The following SMU1 variants were observed in gnomAD, a reference collection of about 807,000 sequenced individuals.
SMU1 encodes the protein WD40 repeat-containing protein SMU1.
SMU1 carries 2 observed loss-of-function variants against 62.0 expected under a neutral mutation model. The ratio of observed to expected loss-of-function variants is 0.03; its 90% CI spans 0.01 to 0.10. SMU1 has a LOEUF of 0.10. Ranked by LOEUF, SMU1 falls within the 10% of genes least tolerant of loss-of-function variation. The pLI is 1.00. For missense variants in SMU1, 227 were observed against 622.1 expected, an observed-to-expected ratio of 0.36 and a Z score of 6.76; for synonymous variants, 188 against 212.4, an observed-to-expected ratio of 0.89 and a Z score of 1.00.
At chr9:33,047,513 T>C (rs1274302588) in intron 11 of SMU1, 122 bp from the exon 12 acceptor site, 7 of 658,440 alleles carry the variant, frequency 1.1e-5, no homozygotes, top group Admixed American at 3.3e-5. Flanking sequence ...CCAAATGGCA[T>C]AGGAGAAAGA....
At chr9:33,051,120 CAAA>C (rs1225817487) in intron 10 of SMU1, among the ~76,000 whole-genome samples, 3 of 37,932 alleles carry the variant, frequency 7.9e-5, no homozygotes, top group Non-Finnish European at 1.2e-4. Context: ...GACTCTGTCT[CAAA>C]AAAAAAAAAA....
intron 1 of SMU1, among the ~76,000 whole-genome samples, chr9:33,075,358 C>G (rs745530059): frequency 6.6e-6 from 1 of 151,440 alleles, no homozygotes; most frequent in Non-Finnish European, 1.5e-5. Flanking sequence ...GCCTGGGTGA[C>G]AGAGTGAGAC....
At position 33,046,026 on chromosome 9, in the gene SMU1, CAG is replaced by C. The variant is rs1839181347; in HGVS notation, c.*1265_*1266del. On this transcript the variant is annotated 3_prime_UTR_variant, in exon 12 of 12. Coordinates refer to ENST00000397149, the MANE Select transcript of SMU1 (RefSeq NM_018225.3). ...CCTAGCATGGTATCTTCCTCATCAT[CAG>C]AGGTGCTCTATACATCTTCAGTTGA... 1 of 152,236 alleles carries C rather than the reference CAG, an allele frequency of 6.6e-6. No individual in the cohort carries two copies. The highest frequency in any genetic ancestry group is 2.4e-5 in the African/African-American group (1 of 41,462). The allele number at this position is 152,236 out of a possible 1,614,324, so 9.4% of individuals were successfully genotyped here.
At chr9:33,054,571 G>A (rs555989488) in intron 9 of SMU1, among the ~76,000 whole-genome samples, 115 of 152,258 alleles carry the variant, frequency 7.6e-4, no homozygotes, top group African/African-American at 2.6e-3. Context: ...AACTGAAAGG[G>A]TTAAATCAGG....
chr9:33,074,261 T>C (rs748225598), intron 1 of SMU1, among the ~76,000 whole-genome samples: 2 of 152,078 alleles, frequency 1.3e-5, no homozygotes, highest in African/African-American at 2.4e-5. Flanking sequence ...ACCAGGAGGT[T>C]TGAGACCAGA....
At chr9:33,055,737 G>A (rs752803532) in intron 9 of SMU1, among the ~76,000 whole-genome samples, 24 of 152,210 alleles carry the variant, frequency 1.6e-4, no homozygotes, top group Non-Finnish European at 3.2e-4. Context: ...ACAAAAAAGA[G>A]ATCTATTTAT....
In SMU1 at chr9:33,043,763, T is replaced by C. The variant is rs1250790727; in HGVS notation, c.*3530A>G. On this transcript the variant is annotated 3_prime_UTR_variant, in exon 12 of 12. Coordinates refer to ENST00000397149, the MANE Select transcript of SMU1 (RefSeq NM_018225.3). ...CTTCGGAGTCACATCTGGTTTTCAA[T>C]GCGAGCTTCGTGCAAGTTGGACTGA... is the stretch of plus-strand genomic sequence containing the variant. 1 of 152,258 alleles carries C rather than the reference T, an allele frequency of 6.6e-6. No individual in the cohort carries two copies. Among genetic ancestry groups the C allele is most frequent in the Non-Finnish European group, 1.5e-5 (1 of 68,042 alleles). 9.4% of individuals were successfully genotyped at this position (152,258 alleles called of 1,614,324 possible).
rs554732527 is a variant in SMU1, at chr9:33,045,108, C to T, written c.*2185G>A. The T allele has an allele frequency of 1.3e-5, 2 of 152,296 alleles. No homozygotes were observed. Among genetic ancestry groups the T allele is most frequent in the East Asian group, 1.9e-4 (1 of 5,192 alleles). The allele number at this position is 152,296 out of a possible 1,614,324, so 9.4% of individuals were successfully genotyped here. A position where few individuals can be genotyped will look rare whatever the true frequency, so the allele number is the denominator to read the frequency against. ...GTTCCCTAAAAATTCCTAGAATAAA[C>T]CAACACGTGCTGACTAGATTCTCCA... is the stretch of plus-strand genomic sequence containing the variant. On this transcript the variant is annotated 3_prime_UTR_variant, in exon 12 of 12. Coordinates refer to ENST00000397149, the MANE Select transcript of SMU1 (RefSeq NM_018225.3).
At chr9:33,051,121 A>T (rs1342801077) in intron 10 of SMU1, among the ~76,000 whole-genome samples, 2 of 65,448 alleles carry the variant, frequency 3.1e-5, no homozygotes, top group African/African-American at 1.1e-4. Flanking sequence ...ACTCTGTCTC[A>T]AAAAAAAAAA....
At chr9:33,065,884 T>C (rs1168720085) in intron 4 of SMU1, among the ~76,000 whole-genome samples, 1 of 152,148 alleles carries the variant, frequency 6.6e-6, no homozygotes, top group East Asian at 1.9e-4. Flanking sequence ...GAAGCCACAA[T>C]GAAAACTGGG....
chr9:33,052,272 C>T (rs755178503), intron 10 of SMU1, among the ~76,000 whole-genome samples: 4 of 144,300 alleles, frequency 2.8e-5, no homozygotes, highest in East Asian at 4.5e-4. Context: ...ATTTGAAGAG[C>T]GAAACACAGG....
intron 10 of SMU1, among the ~76,000 whole-genome samples, chr9:33,048,605 T>TG: frequency 6.6e-6 from 1 of 152,250 alleles, no homozygotes; most frequent in East Asian, 1.9e-4. Context: ...TCTGGATGTC[T>TG]GCTCTCCAGT....
rs756778302 is a variant in SMU1 at position 33,046,049 on chromosome 9, G to A, written c.*1244C>T. On this transcript the variant is annotated 3_prime_UTR_variant, in exon 12 of 12. Coordinates refer to ENST00000397149, the MANE Select transcript of SMU1 (RefSeq NM_018225.3). Reference sequence around the variant, plus strand: ...ATCAGAGGTGCTCTATACATCTTCAGTTGAAACGTGAAACAGACATCCATA... The same window carrying A: ...ATCAGAGGTGCTCTATACATCTTCAATTGAAACGTGAAACAGACATCCATA... 6.6e-6 allele frequency: 1 copy of A among 152,210 alleles called. No individual in the cohort carries two copies. Among genetic ancestry groups the A allele is most frequent in the Non-Finnish European group, 1.5e-5 (1 of 68,044 alleles). 9.4% of individuals were successfully genotyped at this position (152,210 alleles called of 1,614,324 possible).
At chr9:33,063,076 C>A (rs530550019) in intron 4 of SMU1, among the ~76,000 whole-genome samples, 35 of 152,240 alleles carry the variant, frequency 2.3e-4, no homozygotes, top group African/African-American at 7.2e-4. Context: ...AAGCCTAATT[C>A]GGGGGCCAAG....
At chr9:33,055,549 C>T (rs1170741796) in intron 9 of SMU1, among the ~76,000 whole-genome samples, 1 of 151,970 alleles carries the variant, frequency 6.6e-6, no homozygotes, top group Non-Finnish European at 1.5e-5. Context: ...GAAATGAGAA[C>T]CTCTCTTCAA....
chr9:33,048,026 G>C (rs1049455541), intron 11 of SMU1, 80 bp downstream of exon 11: 37 of 1,359,322 alleles, frequency 2.7e-5, no homozygotes, highest in Non-Finnish European at 3.8e-5. Flanking sequence ...GATAGCTCTG[G>C]AAAAGGCACA....
chr9:33,049,371 T>A (rs1285101233), intron 10 of SMU1, among the ~76,000 whole-genome samples: 2 of 152,162 alleles, frequency 1.3e-5, no homozygotes, highest in Non-Finnish European at 2.9e-5. Flanking sequence ...ATGCCATAAT[T>A]CGACACTTAC....
chr9:33,072,889 A>G (rs1258662184), intron 2 of SMU1, among the ~76,000 whole-genome samples: 1 of 151,502 alleles, frequency 6.6e-6, no homozygotes, highest in Non-Finnish European at 1.5e-5. Context: ...CACTACTTTT[A>G]CTTCAAATTA....
chr9:33,051,586 G>A (rs544488733), intron 10 of SMU1, among the ~76,000 whole-genome samples: 30 of 152,228 alleles, frequency 2.0e-4, no homozygotes, highest in African/African-American at 7.0e-4. Context: ...TATGGGAACC[G>A]TCCGTATTTT....
Sources: allele counts gnomAD v4.1 joint callset (sites outside exome capture counted in the v4.1 genomes callset), GRCh38; gene constraint gnomAD v4.1.1; transcripts MANE v1.5; gene names NCBI Gene and HGNC (gene_info 2026-07-23, HGNC 2026-07-21).